ATXN1: variants seen among roughly 807,000 people sequenced by gnomAD.
ATXN1 encodes ataxin-1.
A neutral mutation model predicts 56.4 loss-of-function variants in ATXN1; 8 were observed. The ratio of observed to expected loss-of-function variants is 0.14; its 90% confidence interval spans 0.08 to 0.26. ATXN1 has a LOEUF of 0.26. Among genes scored for constraint, ATXN1 ranks in the 10% least tolerant of loss-of-function variants. The probability of loss-of-function intolerance (pLI) is 1.00; values close to 1 mark genes in which losing one functional copy is unlikely to be tolerated. For missense variants in ATXN1, 987 were observed against 1,106.5 expected (o/e 0.89, Z 1.53); for synonymous variants, 514 against 494.6 (o/e 1.04, Z -0.52).
chr6:16,758,770 G>T (rs1760965920), intron 1 of ATXN1, among the ~76,000 whole-genome samples: 1 of 152,198 alleles, frequency 6.6e-6, no homozygotes, highest in African/African-American at 2.4e-5. Flanking sequence ...AGGTTCAGGG[G>T]AGCCCTTCAA....
intron 7 of ATXN1, among the ~76,000 whole-genome samples, chr6:16,325,998 C>T (rs1314773349): frequency 6.6e-6 from 1 of 152,236 alleles, no homozygotes; most frequent in Non-Finnish European, 1.5e-5. Flanking sequence ...CTAATCCCCT[C>T]ACTCCAACGG....
intron 5 of ATXN1, among the ~76,000 whole-genome samples, chr6:16,520,903 C>G (rs983444123): frequency 5.3e-5 from 8 of 152,150 alleles, no homozygotes; most frequent in African/African-American, 1.9e-4. Context: ...CCAATTACGT[C>G]TGTATGTACA....
At chr6:16,522,964 A>AT (rs1176599949) in intron 4 of ATXN1, among the ~76,000 whole-genome samples, 1 of 152,212 alleles carries the variant, frequency 6.6e-6, no homozygotes, top group Non-Finnish European at 1.5e-5. Context: ...AGGAGTCCAT[A>AT]TTGTGGTGCC....
At chr6:16,343,165 A>G (rs1446114454) in intron 6 of ATXN1, among the ~76,000 whole-genome samples, 3 of 152,196 alleles carry the variant, frequency 2.0e-5, no homozygotes, top group East Asian at 3.9e-4. Context: ...TAACACGGTG[A>G]AACCCTGTCT....
At chr6:16,727,868 C>T (rs1222420273) in intron 2 of ATXN1, among the ~76,000 whole-genome samples, 2 of 152,148 alleles carry the variant, frequency 1.3e-5, no homozygotes, top group African/African-American at 2.4e-5. Flanking sequence ...TTTACCAAGC[C>T]GAGATGCCAG....
At chr6:16,690,373 C>A (rs1354846534) in intron 2 of ATXN1, among the ~76,000 whole-genome samples, 1 of 151,774 alleles carries the variant, frequency 6.6e-6, no homozygotes, top group Admixed American at 6.6e-5. Context: ...TCCTCCTCCA[C>A]TGGCAACTAG....
In ATXN1 at chr6:16,638,468, A is replaced by G. The variant is rs961156856; in HGVS notation, c.-489+19308T>C. 1.0e-4 allele frequency among the ~76,000 whole-genome samples: 15 copies of G among 144,088 alleles called. 1 individual carries two copies. Among genetic ancestry groups the G allele is most frequent in the Middle Eastern group, 3.2e-3 (1 of 308 alleles). The allele number at this position is 144,088 out of a possible 152,430, so 94.5% of individuals were successfully genotyped here. A position where few individuals can be genotyped will look rare whatever the true frequency, so the allele number is the denominator to read the frequency against. On this transcript the variant is annotated intron_variant, in intron 3 of 7. Transcript: ENST00000436367. The stretch of plus-strand genomic sequence containing the variant: ...CTCAAAAAAAAAAAAAAAAAAAAAA[A>G]CTGCACAAAATTATCAACATAAAAT...
At position 16,326,171 on chromosome 6, in the gene ATXN1, C is replaced by A. The variant is rs1470461237; in HGVS notation, c.1917+223G>T. ...TTGTCTCAAGGACTCCATAACTAGC[C>A]CCACTCTCCATGCATGGAGGTTAAT... On this transcript the variant is annotated intron_variant, in intron 7 of 7. Transcript: ENST00000436367. The surrounding 1 kb of genome is among the most constrained non-coding windows in gnomAD (Gnocchi z 6.6). 2.0e-5 allele frequency among the ~76,000 whole-genome samples: 3 copies of A among 152,156 alleles called. No homozygotes were observed. The highest frequency in any genetic ancestry group is 2.9e-5 in the Non-Finnish European group (2 of 68,020).
intron 2 of ATXN1, among the ~76,000 whole-genome samples, chr6:16,693,462 GTCA>G (rs1481199697): frequency 6.6e-6 from 1 of 152,084 alleles, no homozygotes; most frequent in African/African-American, 2.4e-5. Context: ...GTGAATTATC[GTCA>G]TCAACTTTCA....
chr6:16,451,573 T>C (rs1023480968), intron 6 of ATXN1, among the ~76,000 whole-genome samples: 1 of 152,012 alleles, frequency 6.6e-6, no homozygotes, highest in Admixed American at 6.5e-5. Context: ...CCGACCAACA[T>C]GGAGGAACCT....
At chr6:16,455,479 T>G (rs555937825) in intron 6 of ATXN1, among the ~76,000 whole-genome samples, 1 of 152,116 alleles carries the variant, frequency 6.6e-6, no homozygotes, top group African/African-American at 2.4e-5. Context: ...GGAATGCAAA[T>G]AGTAAGCTAC....
rs73724833 is a variant in ATXN1, at chr6:16,326,148, G to A, written c.1917+246C>T. ...AACTAGAGTGGTGAGTTTCTGGATT[G>A]TCTCAAGGACTCCATAACTAGCCCC... On this transcript the variant is annotated intron_variant, in intron 7 of 7. Coordinates refer to ENST00000436367, the MANE Select transcript of ATXN1 (RefSeq NM_001128164.2). The surrounding 1 kb of genome is among the most constrained non-coding windows in gnomAD (Gnocchi z 6.6). Among the ~76,000 whole-genome samples, 2,577 of 152,268 alleles carry A rather than the reference G, an allele frequency of 0.017. 70 individuals carry two copies. The highest frequency in any genetic ancestry group is 0.058 in the African/African-American group (2,391 of 41,528).
chr6:16,646,555 C>T (rs983037767), intron 3 of ATXN1, among the ~76,000 whole-genome samples: 18 of 152,214 alleles, frequency 1.2e-4, no homozygotes, highest in African/African-American at 4.3e-4. Context: ...CCTCACACAC[C>T]TTAACCCTGG....
At chr6:16,384,818 A>G (rs1353370221) in intron 6 of ATXN1, among the ~76,000 whole-genome samples, 1 of 152,196 alleles carries the variant, frequency 6.6e-6, no homozygotes, top group Non-Finnish European at 1.5e-5. Flanking sequence ...TTTCCTGTAC[A>G]GCCTGTGGAA....
At chr6:16,411,873 G>A (rs1311918918) in intron 6 of ATXN1, among the ~76,000 whole-genome samples, 1 of 152,150 alleles carries the variant, frequency 6.6e-6, no homozygotes, top group African/African-American at 2.4e-5. Flanking sequence ...TGTCCTTTGT[G>A]TTTAAGTTGT....
intron 6 of ATXN1, among the ~76,000 whole-genome samples, chr6:16,384,312 G>A (rs1427584349): frequency 2.0e-5 from 3 of 152,210 alleles, no homozygotes; most frequent in African/African-American, 7.2e-5. Context: ...TCTAAAAAGA[G>A]TATCTGACCT....
chr6:16,571,921 C>G (rs1201769812), intron 4 of ATXN1, among the ~76,000 whole-genome samples: 4 of 152,164 alleles, frequency 2.6e-5, no homozygotes, highest in Non-Finnish European at 1.5e-5. Context: ...CCTCAGCCCC[C>G]CAAAGTGCTG....
At chr6:16,729,181 G>A (rs1370107589) in intron 2 of ATXN1, among the ~76,000 whole-genome samples, 2 of 152,178 alleles carry the variant, frequency 1.3e-5, no homozygotes, top group Non-Finnish European at 2.9e-5. Flanking sequence ...GCAGAACCAG[G>A]ATTAAAAATT....
intron 2 of ATXN1, among the ~76,000 whole-genome samples, chr6:16,681,801 G>A (rs527626331): frequency 1.3e-5 from 2 of 152,264 alleles, no homozygotes; most frequent in East Asian, 3.9e-4. Context: ...TTACAGTGAG[G>A]CCACAGTGCC....
Sources: allele counts gnomAD v4.1 joint callset (sites outside exome capture counted in the v4.1 genomes callset), GRCh38; gene constraint gnomAD v4.1.1; non-coding constraint Gnocchi (gnomAD v3.1); transcripts MANE v1.5; gene names NCBI Gene and HGNC (gene_info 2026-07-23, HGNC 2026-07-21).